Variants in YJU2 observed in about 807,000 individuals in gnomAD.
YJU2 encodes the protein splicing factor YJU2.
Under a neutral mutation model 39.6 loss-of-function variants are expected in YJU2, and 28 were observed. That is an observed-to-expected ratio of 0.71 (90% CI 0.52 to 0.97). The LOEUF is 0.97. Among genes scored for constraint, YJU2 ranks in the 50% least tolerant of loss-of-function variants. The pLI is 0.00. For missense variants in YJU2, 328 were observed against 430.4 expected, an observed-to-expected ratio of 0.76 and a Z score of 2.11; for synonymous variants, 184 against 182.4, an observed-to-expected ratio of 1.01 and a Z score of -0.07.
At chr19:4,264,045 G>A (rs1433689465) in intron 6 of YJU2, among the ~76,000 whole-genome samples, 4 of 151,798 alleles carry the variant, frequency 2.6e-5, no homozygotes, top group African/African-American at 9.7e-5. Flanking sequence ...GGTGGATCAC[G>A]AGGTCAGGAG....
Position 4,251,058 on chromosome 19 carries a change from G to A in YJU2, c.157G>A (p.Gly53Arg). The change falls in exon 3 of 8, where the codon GGG becomes AGG. Residue 53 changes from glycine to arginine, a missense_variant. This residue lies in a region of YJU2 where 84 missense variants were observed against 165.8 expected (regional missense o/e 0.51). Coordinates refer to ENST00000262962, the MANE Select transcript of YJU2 (RefSeq NM_018074.6). ...CKTCGEYIYK[G>R]KKFNARKETV... Reference sequence around the variant, plus strand: ...GACGTGCGGAGAATACATCTACAAGGGGAAGAAATTCAATGCTCGGAAGGA... The same window carrying A: ...GACGTGCGGAGAATACATCTACAAGAGGAAGAAATTCAATGCTCGGAAGGA... 6.2e-7 allele frequency: 1 copy of A among 1,614,174 alleles called. No individual in the cohort carries two copies. Among genetic ancestry groups the A allele is most frequent in the Non-Finnish European group, 8.5e-7 (1 of 1,180,022 alleles).
At chr19:4,259,095 T>C (rs1270301407) in intron 5 of YJU2, among the ~76,000 whole-genome samples, 1 of 132,924 alleles carries the variant, frequency 7.5e-6, no homozygotes, top group East Asian at 2.1e-4. Flanking sequence ...TTTTTTTTTT[T>C]TTTTTGAGAC....
intron 3 of YJU2, 132 bp downstream of exon 3, chr19:4,251,303 C>T (rs1970974850): frequency 2.2e-6 from 2 of 920,244 alleles, no homozygotes; most frequent in South Asian, 3.3e-5. Flanking sequence ...AAGAAACAGA[C>T]AACAGTTTGG....
At chr19:4,263,085 A>C (rs916072742) in intron 6 of YJU2, among the ~76,000 whole-genome samples, 2 of 151,850 alleles carry the variant, frequency 1.3e-5, no homozygotes, top group Admixed American at 1.3e-4. Flanking sequence ...AAAAAAAAAA[A>C]AAAAAAACTT....
chr19:4,254,271 A>C (rs906612965), intron 3 of YJU2, 84 bp from the exon 4 acceptor site: 2 of 961,512 alleles, frequency 2.1e-6, no homozygotes, highest in African/African-American at 1.7e-5. Flanking sequence ...ATCAGAGAGA[A>C]GGGGCCCTGA....
In YJU2 at chr19:4,254,877, G is replaced by A. The variant is rs1971006956; in HGVS notation, c.405+388G>A. 2.0e-5 allele frequency among the ~76,000 whole-genome samples: 3 copies of A among 152,006 alleles called. No individual in the cohort carries two copies. The South Asian group carries it at 6.2e-4, about 32-fold the overall frequency. ...TTGAGACCAGCCTGACCAACATGGT[G>A]AAACCCCGTCTCTACTAAAAATACA... On this transcript the variant is annotated intron_variant, in intron 4 of 7. Coordinates refer to ENST00000262962, the MANE Select transcript of YJU2 (RefSeq NM_018074.6).
rs202241226 is a variant in YJU2, at chr19:4,247,578, G to GGC, written c.24+412_24+413dup. On this transcript the variant is annotated intron_variant, in intron 1 of 7. Transcript: ENST00000262962. ...TACTTTGGGTGGGGTGGGGTGGGGT[G>GGC]GCGCGTGTGTGTGTGTGTGTGTGTG... Among the ~76,000 whole-genome samples, 207 of 82,026 alleles carry GGC rather than the reference G, an allele frequency of 2.5e-3. 6 individuals are homozygous for GGC. Among genetic ancestry groups the GGC allele is most frequent in the East Asian group, 3.9e-3 (10 of 2,568 alleles). The allele number at this position is 82,026 out of a possible 152,430, so 53.8% of individuals were successfully genotyped here. A position where few individuals can be genotyped will look rare whatever the true frequency, so the allele number is the denominator to read the frequency against.
chr19:4,254,985 G>T (rs1212218465), intron 4 of YJU2, among the ~76,000 whole-genome samples: 1 of 151,618 alleles, frequency 6.6e-6, no homozygotes, highest in Non-Finnish European at 1.5e-5. Flanking sequence ...GAACCGGGGA[G>T]GCAGATGTTG....
chr19:4,247,571 GTGGGGTGGCGCGTGTGTGT>G (rs1970930925), intron 1 of YJU2, among the ~76,000 whole-genome samples: 2 of 89,464 alleles, frequency 2.2e-5, no homozygotes, highest in African/African-American at 8.9e-5. Flanking sequence ...GTGGGGTGGG[GTGGGGTGGCGCGTGTGTGT>G]GTGTGTGTGT....
At chr19:4,257,042 T>C (rs1971027258) in intron 4 of YJU2, among the ~76,000 whole-genome samples, 1 of 152,052 alleles carries the variant, frequency 6.6e-6, no homozygotes, top group African/African-American at 2.4e-5. Context: ...ACTGTCAGAA[T>C]TGCCATTTTT....
rs762636345 is a variant in YJU2 at position 4,267,612 on chromosome 19, C to T, written c.709-12C>T. ...CGGGCCAGACCCCCACATGTGTCCC[C>T]ATCACCTGCAGGCCCCAAAGCCCAA... On this transcript the variant is annotated splice_polypyrimidine_tract_variant and intron_variant, in intron 6 of 7. Coordinates refer to ENST00000262962, the MANE Select transcript of YJU2 (RefSeq NM_018074.6). 33 of 1,610,834 alleles carry T rather than the reference C, an allele frequency of 2.0e-5. No individual in the cohort carries two copies. Among genetic ancestry groups the T allele is most frequent in the Non-Finnish European group, 2.6e-5 (31 of 1,178,826 alleles).
chr19:4,267,559 G>A (rs1328730228), intron 6 of YJU2, 65 bp from the exon 7 acceptor site: 32 of 1,552,110 alleles, frequency 2.1e-5, no homozygotes, highest in Admixed American at 3.5e-5. Context: ...CAGGGGTTGT[G>A]GCGAGGGGCC....
In YJU2 at chr19:4,254,363, T is replaced by G. The variant is rs755213891; in HGVS notation, c.279T>G (p.Pro93=). Residue 93 remains proline (P), a synonymous_variant, in exon 4 of 8, where the codon CCT becomes CCG. Coordinates refer to ENST00000262962, the MANE Select transcript of YJU2 (RefSeq NM_018074.6). ...GTCTATCCTCCCTGCAGACAGACCC[T>G]GAAAACACAGACTACACCATGGAGC... ...CLAEITFKTD[P]ENTDYTMEHG... The G allele has an allele frequency of 6.2e-7, 1 of 1,613,290 alleles. No homozygotes were observed. The highest frequency in any genetic ancestry group is 2.2e-5 in the East Asian group (1 of 44,866).
chr19:4,258,028 T>G (rs185222674), intron 4 of YJU2, among the ~76,000 whole-genome samples: 84 of 152,236 alleles, frequency 5.5e-4, no homozygotes, highest in African/African-American at 2.0e-3. Flanking sequence ...CCACCACTGC[T>G]CAGCCCCATG....
At chr19:4,266,872 C>G (rs1415878578) in intron 6 of YJU2, among the ~76,000 whole-genome samples, 1 of 152,092 alleles carries the variant, frequency 6.6e-6, no homozygotes, top group Non-Finnish European at 1.5e-5. Context: ...GAGGCTGAGG[C>G]AGGAGAATCG....
intron 4 of YJU2, among the ~76,000 whole-genome samples, chr19:4,255,786 C>T (rs1170681763): frequency 2.0e-5 from 3 of 149,014 alleles, no homozygotes; most frequent in Non-Finnish European, 4.4e-5. Flanking sequence ...GCAGGCGGAT[C>T]ACCTGAGGTC....
intron 5 of YJU2, among the ~76,000 whole-genome samples, chr19:4,259,264 A>G (rs1193442736): frequency 6.6e-6 from 1 of 151,488 alleles, no homozygotes; most frequent in Non-Finnish European, 1.5e-5. Flanking sequence ...AATTTTTAGT[A>G]GAGATGGGGT....
chr19:4,267,085 G>A (rs558831985), intron 6 of YJU2, among the ~76,000 whole-genome samples: 6 of 152,190 alleles, frequency 3.9e-5, no homozygotes, highest in East Asian at 1.9e-4. Context: ...ATTTTCACTC[G>A]TTCTCTCAAG....
At chr19:4,252,179 G>C (rs1054157911) in intron 3 of YJU2, among the ~76,000 whole-genome samples, 1 of 144,326 alleles carries the variant, frequency 6.9e-6, no homozygotes, top group African/African-American at 2.8e-5. Flanking sequence ...AAAACATTTT[G>C]GGCTGGGCGC....
Sources: allele counts gnomAD v4.1 joint callset (sites outside exome capture counted in the v4.1 genomes callset), GRCh38; gene constraint gnomAD v4.1.1; regional missense constraint gnomAD v4.1.1; transcripts MANE v1.5; gene names NCBI Gene and HGNC (gene_info 2026-07-23, HGNC 2026-07-21).